MTA1: variants seen among roughly 807,000 people sequenced by gnomAD.
MTA1 encodes metastasis associated 1.
Under a neutral mutation model 97.0 loss-of-function variants are expected in MTA1, and 15 were observed. The ratio of observed to expected loss-of-function variants is 0.15; its 90% CI spans 0.10 to 0.24. The LOEUF is 0.24. MTA1 is among the 10% of genes least tolerant of loss of function. MTA1 has a pLI of 1.00. For missense variants in MTA1, 709 were observed against 1,015.1 expected (o/e 0.70, Z 4.10); for synonymous variants, 435 against 417.5 (o/e 1.04, Z -0.51).
rs1331553838 is a variant in MTA1 at position 105,463,402 on chromosome 14, T to TGCTCTCCTCTCCGTAGC, written c.1018-90_1018-74dup. On this transcript the variant is annotated intron_variant, in intron 11 of 20. Coordinates refer to ENST00000331320, the MANE Select transcript of MTA1 (RefSeq NM_004689.4). The surrounding 1 kb of genome is among the most constrained non-coding windows in gnomAD (Gnocchi z 5.9). ...CCTGGCCCGGCTGTCCTCTCCGTGG[T>TGCTCTCCTCTCCGTAGC]GCTCTCCTCTCCGTAGCCTCCAGCC... 6 of 1,518,532 alleles carry TGCTCTCCTCTCCGTAGC rather than the reference T, an allele frequency of 4.0e-6. No homozygotes were observed. The highest frequency in any genetic ancestry group is 5.5e-6 in the Non-Finnish European group (6 of 1,096,246). 94.1% of individuals were successfully genotyped at this position (1,518,532 alleles called of 1,614,324 possible).
intron 2 of MTA1, among the ~76,000 whole-genome samples, chr14:105,441,778 A>C (rs1323615212): frequency 6.6e-6 from 1 of 152,298 alleles, no homozygotes; most frequent in Non-Finnish European, 1.5e-5. Flanking sequence ...TGGGCGACAG[A>C]GCGAGACTCT....
intron 1 of MTA1, among the ~76,000 whole-genome samples, chr14:105,433,066 G>A (rs587621326): frequency 6.6e-6 from 1 of 152,308 alleles, no homozygotes; most frequent in East Asian, 1.9e-4. Flanking sequence ...ATGGAATACA[G>A]CAGAGCATTT....
Position 105,463,281 on chromosome 14 carries a change from G to A in MTA1, c.1017+23G>A. On this transcript the variant is annotated intron_variant, in intron 11 of 20. Coordinates refer to ENST00000331320, the MANE Select transcript of MTA1 (RefSeq NM_004689.4). The surrounding 1 kb of genome is among the most constrained non-coding windows in gnomAD (Gnocchi z 5.9). ...CAGGTGAGCCCGCCCGCCACTCAGT[G>A]CCCGGGGTGTGCCGCCTCCCCGTCC... 6.2e-7 allele frequency: 1 copy of A among 1,610,390 alleles called. No homozygotes were observed. The highest frequency in any genetic ancestry group is 8.5e-7 in the Non-Finnish European group (1 of 1,179,444).
At chr14:105,439,101 C>CCCCTG (rs1273029140) in intron 2 of MTA1, among the ~76,000 whole-genome samples, 22 of 108,200 alleles carry the variant, frequency 2.0e-4, no homozygotes, top group Admixed American at 1.5e-3. Context: ...ATACTCGGTG[C>CCCCTG]CCCTGCCCTG....
chr14:105,464,947 C>T (rs1179247260), intron 15 of MTA1, 84 bp downstream of exon 15: 1 of 1,465,322 alleles, frequency 6.8e-7, no homozygotes, highest in Non-Finnish European at 9.0e-7. Context: ...CCTGTAGCCC[C>T]ACTGGGAGTT....
At chr14:105,449,188 C>T (rs952045528) in intron 3 of MTA1, 171 bp from the exon 4 acceptor site, 9 of 578,180 alleles carry the variant, frequency 1.6e-5, no homozygotes, top group Admixed American at 6.6e-5. Flanking sequence ...GGGGGGACGT[C>T]GAGGCCCAGA....
At chr14:105,445,312 C>T in intron 2 of MTA1, 106 bp from the exon 3 acceptor site, 1 of 962,854 alleles carries the variant, frequency 1.0e-6, no homozygotes, top group Non-Finnish European at 1.6e-6. Flanking sequence ...GGTGTGGTTA[C>T]ACCTGCAGTC....
intron 1 of MTA1, among the ~76,000 whole-genome samples, chr14:105,429,023 C>A (rs1595270075): frequency 6.6e-6 from 1 of 152,216 alleles, no homozygotes; most frequent in African/African-American, 2.4e-5. Context: ...TGTGCCCAGC[C>A]TCACCTTGCA....
At chr14:105,441,621 C>T (rs587598022) in intron 2 of MTA1, among the ~76,000 whole-genome samples, 18 of 152,226 alleles carry the variant, frequency 1.2e-4, no homozygotes, top group Admixed American at 7.8e-4. Flanking sequence ...GGTGAAACTC[C>T]GTCTCTACTA....
chr14:105,421,697 C>T (rs1555420931), intron 1 of MTA1, among the ~76,000 whole-genome samples: 1 of 152,240 alleles, frequency 6.6e-6, no homozygotes, highest in Non-Finnish European at 1.5e-5. Flanking sequence ...GTGAGGACCT[C>T]GTCTCTCAGC....
At chr14:105,437,022 C>T (rs1351466258) in intron 1 of MTA1, among the ~76,000 whole-genome samples, 2 of 152,238 alleles carry the variant, frequency 1.3e-5, no homozygotes, top group Admixed American at 6.5e-5. Flanking sequence ...CTGTGCGTGT[C>T]CCCCGGGCAC....
chr14:105,454,641 C>G, intron 7 of MTA1: 1 of 226,256 alleles, frequency 4.4e-6, no homozygotes, highest in Non-Finnish European at 9.1e-6. Flanking sequence ...GAGTCTCGCT[C>G]TGTTGCCCAG....
At chr14:105,447,856 C>T (rs1555427581) in intron 3 of MTA1, among the ~76,000 whole-genome samples, 1 of 152,188 alleles carries the variant, frequency 6.6e-6, no homozygotes, top group African/African-American at 2.4e-5. Context: ...GTTTCTCCTG[C>T]TTCTCTGTGA....
rs73362838 is a variant in MTA1, at chr14:105,443,153, G to A, written c.97-2265G>A. On this transcript the variant is annotated intron_variant, in intron 2 of 20. Transcript: ENST00000331320. ...AACAAAGCGAGAACCCGGCGGCCAG[G>A]GTAGGGACAGCTCGACCTGCAGGAG... Among the ~76,000 whole-genome samples the A allele has an allele frequency of 3.8e-3, 575 of 152,270 alleles. 6 individuals are homozygous for A. The highest frequency in any genetic ancestry group is 0.013 in the African/African-American group (530 of 41,562).
intron 7 of MTA1, 102 bp downstream of exon 7, chr14:105,454,412 C>G: frequency 3.6e-6 from 3 of 835,182 alleles, no homozygotes; most frequent in Non-Finnish European, 6.1e-6. Context: ...GTCAGTGATT[C>G]ATGTGTGACT....
At chr14:105,426,019 G>A (rs1461590535) in intron 1 of MTA1, among the ~76,000 whole-genome samples, 1 of 152,122 alleles carries the variant, frequency 6.6e-6, no homozygotes, top group African/African-American at 2.4e-5. Flanking sequence ...CCGTGATCCG[G>A]CCTGGCGTGG....
At chr14:105,465,213 C>G (rs1555432441) in intron 16 of MTA1, 30 bp downstream of exon 16, 1 of 1,482,384 alleles carries the variant, frequency 6.7e-7, no homozygotes, top group African/African-American at 1.4e-5. Flanking sequence ...GGGGGGCTCC[C>G]AATGCTGCCT....
At chr14:105,468,895 C>T in intron 18 of MTA1, 1 of 287,280 alleles carries the variant, frequency 3.5e-6, no homozygotes, top group Non-Finnish European at 6.9e-6. Flanking sequence ...TCCCGCAGTG[C>T]CCCTTGGGCT....
At chr14:105,430,778 A>G (rs1555423181) in intron 1 of MTA1, among the ~76,000 whole-genome samples, 1 of 152,206 alleles carries the variant, frequency 6.6e-6, no homozygotes, top group African/African-American at 2.4e-5. Flanking sequence ...AATGGGTTTT[A>G]CATTTTTTAA....
Sources: allele counts gnomAD v4.1 joint callset (sites outside exome capture counted in the v4.1 genomes callset), GRCh38; gene constraint gnomAD v4.1.1; non-coding constraint Gnocchi (gnomAD v3.1); transcripts MANE v1.5; gene names NCBI Gene and HGNC (gene_info 2026-07-23, HGNC 2026-07-21).